Variants in AKAP6 observed in about 807,000 individuals in gnomAD.
The protein encoded by AKAP6 is A-kinase anchor protein 6.
Under a neutral mutation model 188.5 loss-of-function variants are expected in AKAP6, and 58 were observed. The ratio of observed to expected loss-of-function variants is 0.31; its 90% CI spans 0.25 to 0.38. AKAP6 has a LOEUF of 0.38. Ranked by LOEUF, AKAP6 falls within the 10% of genes least tolerant of loss-of-function variation. AKAP6 has a pLI of 1.00. For missense variants in AKAP6, 2,710 were observed against 2,740.0 expected (o/e 0.99, Z 0.24); for synonymous variants, 989 against 998.6 (o/e 0.99, Z 0.18).
intron 12 of AKAP6, among the ~76,000 whole-genome samples, chr14:32,790,579 A>G (rs899156142): frequency 6.6e-6 from 1 of 152,148 alleles, no homozygotes; most frequent in African/African-American, 2.4e-5. Context: ...AACATTCTTA[A>G]AGAAAATAAT....
At chr14:32,417,234 A>G (rs935992376) in intron 1 of AKAP6, among the ~76,000 whole-genome samples, 3 of 152,214 alleles carry the variant, frequency 2.0e-5, no homozygotes, top group African/African-American at 7.2e-5. Context: ...AATATTCTAA[A>G]TCTTGTAGTA....
Position 32,821,693 on chromosome 14 carries a change from G to A in AKAP6, c.3880G>A (p.Val1294Ile), listed in dbSNP as rs1488949978. ...TTACCAGGTGTACAGCCTCCACAAT[G>A]TTGAACTCTATGAGGACAACCACAT... is the stretch of plus-strand genomic sequence containing the variant. ...HIYQVYSLHNVELYEDNHMPF... is the reference protein window; with the variant it reads ...HIYQVYSLHNIELYEDNHMPF... The change falls in exon 13 of 14, where the codon GTT becomes ATT. Residue 1294 changes from valine to isoleucine, a missense_variant. Coordinates refer to ENST00000280979, the MANE Select transcript of AKAP6 (RefSeq NM_004274.5). The A allele has an allele frequency of 1.2e-6, 2 of 1,613,748 alleles. No homozygotes were observed. Among genetic ancestry groups the A allele is most frequent in the South Asian group, 2.2e-5 (2 of 91,066 alleles).
intron 11 of AKAP6, among the ~76,000 whole-genome samples, chr14:32,751,120 G>C (rs1297320328): frequency 6.6e-6 from 1 of 151,712 alleles, no homozygotes; most frequent in African/African-American, 2.4e-5. Flanking sequence ...AAAAATAAAA[G>C]TAATTCAGAA....
intron 11 of AKAP6, among the ~76,000 whole-genome samples, chr14:32,771,326 T>G (rs1323652891): frequency 3.7e-5 from 5 of 134,216 alleles, no homozygotes; most frequent in Non-Finnish European, 7.8e-5. Flanking sequence ...GACTAAGCCC[T>G]GTGTTCATTT....
intron 7 of AKAP6, among the ~76,000 whole-genome samples, chr14:32,627,358 A>C (rs954186227): frequency 6.6e-6 from 1 of 152,120 alleles, no homozygotes; most frequent in African/African-American, 2.4e-5. Flanking sequence ...ACTTGTAAGA[A>C]AATTAGTGGA....
chr14:32,682,857 G>A (rs377003611), intron 8 of AKAP6, among the ~76,000 whole-genome samples: 4 of 152,318 alleles, frequency 2.6e-5, no homozygotes, highest in African/African-American at 9.6e-5. Flanking sequence ...ACCAGCAGCA[G>A]TATCTCCTAG....
At chr14:32,389,724 C>T (rs746380468) in intron 1 of AKAP6, among the ~76,000 whole-genome samples, 5 of 152,024 alleles carry the variant, frequency 3.3e-5, no homozygotes, top group Non-Finnish European at 5.9e-5. Context: ...GCTGTTAATC[C>T]GATAGGTTTT....
chr14:32,419,900 A>G (rs190038337), intron 1 of AKAP6, among the ~76,000 whole-genome samples: 2 of 150,480 alleles, frequency 1.3e-5, no homozygotes, highest in Non-Finnish European at 2.9e-5. Flanking sequence ...AAACAAAAAC[A>G]AAAACAAAAG....
rs142218168 is a variant in AKAP6, at chr14:32,780,157, C to CCATATATATATAT, written c.3588+6264_3588+6265insCATATATATATAT. Among the ~76,000 whole-genome samples the CCATATATATATAT allele has an allele frequency of 5.9e-5, 7 of 119,392 alleles. No individual in the cohort carries two copies. The East Asian group carries it at 7.2e-4, about 12-fold the overall frequency. 78.3% of individuals were successfully genotyped at this position (119,392 alleles called of 152,430 possible). On this transcript the variant is annotated intron_variant, in intron 12 of 13. Coordinates refer to ENST00000280979, the MANE Select transcript of AKAP6 (RefSeq NM_004274.5). The stretch of plus-strand genomic sequence containing the variant: ...TGGAAAAAGAAATTGAAAAAAAAAA[C>CCATATATATATAT]ATATATATATATATGCATGCTTATA...
In AKAP6 at chr14:32,515,798, C is replaced by T. The variant is rs74936605; in HGVS notation, c.325-19756C>T. ...GTTTCATGGTTTGTGAATTCAATAT[C>T]GGTAACATCAGTATGTATTAAGACT... On this transcript the variant is annotated intron_variant, in intron 2 of 13. Transcript: ENST00000280979. Among the ~76,000 whole-genome samples the T allele has an allele frequency of 8.5e-3, 1,299 of 152,208 alleles. 10 individuals are homozygous for T. The highest frequency in any genetic ancestry group is 0.019 in the African/African-American group (781 of 41,518).
intron 12 of AKAP6, among the ~76,000 whole-genome samples, chr14:32,795,206 C>A (rs1393098180): frequency 6.6e-6 from 1 of 152,064 alleles, no homozygotes; most frequent in Non-Finnish European, 1.5e-5. Flanking sequence ...ACCAGAGGTA[C>A]AAAGAAGAGC....
chr14:32,788,273 C>A (rs1405966895), intron 12 of AKAP6, among the ~76,000 whole-genome samples: 2 of 152,158 alleles, frequency 1.3e-5, no homozygotes, highest in African/African-American at 4.8e-5. Context: ...GTGATCATGG[C>A]AAATTATTTA....
intron 7 of AKAP6, among the ~76,000 whole-genome samples, chr14:32,619,178 A>G (rs1210022294): frequency 6.6e-6 from 1 of 151,674 alleles, no homozygotes; most frequent in African/African-American, 2.4e-5. Context: ...GGAGCTCTTT[A>G]GTTTAATTAG....
chr14:32,503,960 G>T (rs1022567172), intron 2 of AKAP6, among the ~76,000 whole-genome samples: 1 of 151,446 alleles, frequency 6.6e-6, no homozygotes, highest in South Asian at 2.1e-4. Context: ...ATATATTAAT[G>T]CATTATATTG....
intron 1 of AKAP6, among the ~76,000 whole-genome samples, chr14:32,431,278 A>C (rs116172516): frequency 6.6e-6 from 1 of 152,036 alleles, no homozygotes; most frequent in Non-Finnish European, 1.5e-5. Flanking sequence ...TACTTGTAAA[A>C]CTGAATGCAA....
At chr14:32,828,743 C>T (rs2034747919) in intron 13 of AKAP6, among the ~76,000 whole-genome samples, 2 of 152,168 alleles carry the variant, frequency 1.3e-5, no homozygotes, top group East Asian at 1.9e-4. Context: ...GAGTCATGTC[C>T]TCAGCATTTG....
At chr14:32,613,670 T>G (rs1460302019) in intron 7 of AKAP6, among the ~76,000 whole-genome samples, 1 of 152,190 alleles carries the variant, frequency 6.6e-6, no homozygotes, top group African/African-American at 2.4e-5. Flanking sequence ...TTGCTTACTG[T>G]GTTGGAATTT....
chr14:32,686,415 T>C (rs1423342021), intron 8 of AKAP6, among the ~76,000 whole-genome samples: 1 of 152,138 alleles, frequency 6.6e-6, no homozygotes, highest in African/African-American at 2.4e-5. Flanking sequence ...AATAACTTTA[T>C]TGTACATTTT....
chr14:32,428,165 G>A (rs1381979262), intron 1 of AKAP6, among the ~76,000 whole-genome samples: 1 of 152,100 alleles, frequency 6.6e-6, no homozygotes, highest in Non-Finnish European at 1.5e-5. Context: ...AGATTGCTGG[G>A]GTTTTTGAGA....
Sources: gnomAD v4.1 joint callset for allele counts (sites outside exome capture counted in the v4.1 genomes callset) on GRCh38, gnomAD v4.1.1 for gene constraint, MANE v1.5 for transcripts, NCBI Gene and HGNC (gene_info 2026-07-23, HGNC 2026-07-21) for gene names.